Variants in SYNE2 observed in about 807,000 individuals in gnomAD.
SYNE2 encodes the protein nesprin-2.
Under a neutral mutation model 856.3 loss-of-function variants are expected in SYNE2, and 431 were observed. The ratio of observed to expected loss-of-function variants is 0.50; its 90% CI spans 0.47 to 0.55. The LOEUF is 0.55. Ranked by LOEUF, SYNE2 falls within the 20% of genes least tolerant of loss-of-function variation. The probability of loss-of-function intolerance (pLI) is 0.00; values close to 1 mark genes in which losing one functional copy is unlikely to be tolerated. For missense variants in SYNE2, 8,129 were observed against 8,023.2 expected, an observed-to-expected ratio of 1.01 and a Z score of -0.50; for synonymous variants, 2,923 against 2,872.3, an observed-to-expected ratio of 1.02 and a Z score of -0.56.
intron 1 of SYNE2, among the ~76,000 whole-genome samples, chr14:63,810,402 G>C (rs1888571873): frequency 6.6e-6 from 1 of 152,090 alleles, no homozygotes; most frequent in Non-Finnish European, 1.5e-5. Flanking sequence ...TGCTTTCCTG[G>C]AAGCTTTTGT....
At chr14:63,893,715 A>G (rs961943128) in intron 1 of SYNE2, among the ~76,000 whole-genome samples, 1 of 152,242 alleles carries the variant, frequency 6.6e-6, no homozygotes, top group African/African-American at 2.4e-5. Context: ...AGCCCTTCTC[A>G]CAGGACTAGA....
chr14:63,882,990 G>T (rs927479642), intron 1 of SYNE2, among the ~76,000 whole-genome samples: 19 of 136,434 alleles, frequency 1.4e-4, no homozygotes, highest in African/African-American at 4.4e-4. Context: ...TAAGCACTCT[G>T]TTTTTTTTTT....
intron 45 of SYNE2, among the ~76,000 whole-genome samples, chr14:64,040,156 G>GT (rs2097136494): frequency 6.6e-6 from 1 of 151,930 alleles, no homozygotes; most frequent in Non-Finnish European, 1.5e-5. Flanking sequence ...CCACAAGTAG[G>GT]TTAAAAAAAG....
chr14:64,127,671 C>A (rs940983245), intron 73 of SYNE2, among the ~76,000 whole-genome samples: 4 of 152,064 alleles, frequency 2.6e-5, no homozygotes, highest in Non-Finnish European at 5.9e-5. Context: ...GGCAGAGACT[C>A]CAGGCAGGTA....
chr14:64,163,055 AT>A (rs1399253574), intron 88 of SYNE2, among the ~76,000 whole-genome samples: 2 of 152,222 alleles, frequency 1.3e-5, no homozygotes, highest in South Asian at 2.1e-4. Flanking sequence ...TCAGAGTTGC[AT>A]TGATTCTTGA....
rs751791953 is a variant in SYNE2 at position 63,815,241 on chromosome 14, GATAT to G, written c.-304-37246_-304-37243del. On this transcript the variant is annotated intron_variant, in intron 1 of 23. Transcript: ENST00000674003. ...CCATATATATATCCATATATATATG[GATAT>G]ATATATATATATAAGGGAGTTTATT... 3.5e-5 allele frequency among the ~76,000 whole-genome samples: 3 copies of G among 85,718 alleles called. 1 individual carries two copies. Among genetic ancestry groups the G allele is most frequent in the African/African-American group, 4.5e-5 (1 of 22,140 alleles). 56.2% of individuals were successfully genotyped at this position (85,718 alleles called of 152,430 possible). A position where few individuals can be genotyped will look rare whatever the true frequency, so the allele number is the denominator to read the frequency against.
At chr14:64,056,384 C>T in intron 49 of SYNE2, 118 bp downstream of exon 49, 2 of 864,418 alleles carry the variant, frequency 2.3e-6, no homozygotes, top group Admixed American at 3.1e-5. Context: ...CTGTCATTAA[C>T]ACCTATGCAT....
chr14:63,763,021 G>A (rs550055063), intron 1 of SYNE2, among the ~76,000 whole-genome samples: 4 of 152,256 alleles, frequency 2.6e-5, no homozygotes, highest in African/African-American at 9.6e-5. Context: ...AGCCTGTAGT[G>A]CTACGGCACA....
chr14:63,958,386 A>G (rs1270526), intron 8 of SYNE2, among the ~76,000 whole-genome samples: 103,366 of 152,012 alleles, frequency 0.68, 35,378 homozygotes, highest in South Asian at 0.77. Flanking sequence ...TGACAGTTTT[A>G]GAGATTACTG....
chr14:63,804,814 G>T (rs913572143), intron 1 of SYNE2, among the ~76,000 whole-genome samples: 2 of 152,104 alleles, frequency 1.3e-5, no homozygotes, highest in Non-Finnish European at 2.9e-5. Context: ...TTCTTCTAGG[G>T]TTTTTATAGT....
intron 92 of SYNE2, 30 bp from the exon 93 acceptor site, chr14:64,168,847 C>A: frequency 7.0e-7 from 1 of 1,426,272 alleles, no homozygotes; most frequent in Non-Finnish European, 9.9e-7. Context: ...ATTTTACTAG[C>A]TGATATTTTC....
At chr14:64,034,423 A>G (rs1366316368) in intron 45 of SYNE2, 11 of 441,926 alleles carry the variant, frequency 2.5e-5, no homozygotes, top group Non-Finnish European at 3.6e-5. Context: ...TATTTTAAAT[A>G]GACCCCAGAA....
At chr14:64,210,185 C>T (rs2098632884) in intron 103 of SYNE2, 61 bp downstream of exon 103, 1 of 1,567,306 alleles carries the variant, frequency 6.4e-7, no homozygotes, top group Non-Finnish European at 8.7e-7. Flanking sequence ...GCACGATACG[C>T]AATGGCAGGC....
chr14:63,788,786 A>G lies in SYNE2; in HGVS notation c.-305+26800A>G, dbSNP rs191865910. Among the ~76,000 whole-genome samples the G allele has an allele frequency of 3.0e-4, 45 of 152,352 alleles. No homozygotes were observed. The East Asian group carries it at 7.9e-3, about 27-fold the overall frequency. The stretch of plus-strand genomic sequence containing the variant: ...AGGAATGTAAATTAGTACAGCCACT[A>G]TGTAAAACAATATGGAGTTTCCCCC... On this transcript the variant is annotated intron_variant, in intron 1 of 23. Transcript: ENST00000674003.
intron 57 of SYNE2, among the ~76,000 whole-genome samples, chr14:64,083,404 T>TA (rs397941557): frequency 0.068 from 9,955 of 145,496 alleles, 506 homozygotes; most frequent in African/African-American, 0.14. Flanking sequence ...TATTATGAGT[T>TA]AAAAAAAAAA....
intron 84 of SYNE2, among the ~76,000 whole-genome samples, chr14:64,148,978 T>C (rs55854068): frequency 0.39 from 52,344 of 135,048 alleles, 9,487 homozygotes; most frequent in East Asian, 0.52. Flanking sequence ...TAATTTCTCT[T>C]TTTTTTTTTT....
intron 34 of SYNE2, 78 bp downstream of exon 34, chr14:64,017,834 A>G: frequency 7.2e-7 from 1 of 1,394,228 alleles, no homozygotes; most frequent in Non-Finnish European, 1.0e-6. Context: ...TAGTCAACAA[A>G]CATTAGGATG....
In SYNE2 at chr14:64,097,931, AAC is replaced by A. The variant is rs752120373; in HGVS notation, c.12109-15_12109-14del. ...GCCTCAGACTTCTCAAACCTATGCA[AAC>A]ACTCTTTCTACACAGGGAGAAATCG... is the stretch of plus-strand genomic sequence containing the variant. On this transcript the variant is annotated splice_polypyrimidine_tract_variant and intron_variant, in intron 61 of 115. Coordinates refer to ENST00000555002, the MANE Select transcript of SYNE2 (RefSeq NM_182914.3). The A allele has an allele frequency of 2.5e-6, 4 of 1,614,120 alleles. No individual in the cohort carries two copies. Among genetic ancestry groups the A allele is most frequent in the Non-Finnish European group, 3.4e-6 (4 of 1,179,982 alleles).
At chr14:64,072,642 C>T (rs1369585882) in intron 52 of SYNE2, among the ~76,000 whole-genome samples, 2 of 152,028 alleles carry the variant, frequency 1.3e-5, no homozygotes, top group Admixed American at 1.3e-4. Flanking sequence ...TGGGATTACA[C>T]GCATGTGCCA....
Sources: gnomAD v4.1 joint callset for allele counts (sites outside exome capture counted in the v4.1 genomes callset) on GRCh38, gnomAD v4.1.1 for gene constraint, MANE v1.5 for transcripts, NCBI Gene and HGNC (gene_info 2026-07-23, HGNC 2026-07-21) for gene names.